SIL1: variants seen among roughly 807,000 people sequenced by gnomAD.
SIL1 encodes nucleotide exchange factor SIL1.
SIL1 carries 40 observed loss-of-function variants against 49.1 expected under a neutral mutation model. The ratio of observed to expected loss-of-function variants is 0.81; its 90% CI spans 0.63 to 1.06. SIL1 has a LOEUF of 1.06. Ranked by LOEUF, SIL1 falls within the 50% of genes least tolerant of loss-of-function variation. The pLI, the probability that SIL1 is intolerant of heterozygous loss-of-function variation, is 0.00. For missense variants in SIL1, 500 were observed against 572.6 expected, an observed-to-expected ratio of 0.87 and a Z score of 1.29; for synonymous variants, 253 against 250.8, an observed-to-expected ratio of 1.01 and a Z score of -0.08.
chr5:138,999,484 AC>A (rs1581017903), intron 7 of SIL1, among the ~76,000 whole-genome samples: 1 of 152,036 alleles, frequency 6.6e-6, no homozygotes, highest in African/African-American at 2.4e-5. Flanking sequence ...ACATAGTGAG[AC>A]CCTATCTGTG....
intron 7 of SIL1, among the ~76,000 whole-genome samples, chr5:138,971,974 G>A (rs1767289442): frequency 6.6e-6 from 1 of 152,122 alleles, no homozygotes; most frequent in Admixed American, 6.5e-5. Context: ...CCCTTCTCAA[G>A]CGTGTCCAAA....
chr5:138,993,496 G>A (rs1347285095), intron 7 of SIL1, among the ~76,000 whole-genome samples: 1 of 152,238 alleles, frequency 6.6e-6, no homozygotes, highest in Non-Finnish European at 1.5e-5. Context: ...CCCATTGGGT[G>A]TGGGAATATG....
chr5:139,105,447 C>A (rs1305245694), intron 3 of SIL1, among the ~76,000 whole-genome samples: 1 of 152,030 alleles, frequency 6.6e-6, no homozygotes, highest in African/African-American at 2.4e-5. Flanking sequence ...TCCCTCACTG[C>A]AATTGCAGAA....
At chr5:139,166,891 C>T (rs944067232) in intron 1 of SIL1, among the ~76,000 whole-genome samples, 2 of 152,200 alleles carry the variant, frequency 1.3e-5, no homozygotes, top group East Asian at 3.9e-4. Context: ...TCACTGCAAG[C>T]TCTGCCTCCC....
At chr5:139,109,998 G>A (rs528372087) in intron 3 of SIL1, among the ~76,000 whole-genome samples, 11 of 151,854 alleles carry the variant, frequency 7.2e-5, no homozygotes, top group South Asian at 2.1e-4. Context: ...GTGAAACCCC[G>A]TCTCTACTAA....
intron 1 of SIL1, among the ~76,000 whole-genome samples, chr5:139,142,734 G>A (rs925159714): frequency 3.9e-5 from 6 of 151,926 alleles, no homozygotes; most frequent in African/African-American, 1.5e-4. Flanking sequence ...CCAAGAACAC[G>A]ACAAAGATAC....
At chr5:139,102,034 T>A (rs985086463) in intron 3 of SIL1, among the ~76,000 whole-genome samples, 1 of 152,192 alleles carries the variant, frequency 6.6e-6, no homozygotes, top group Non-Finnish European at 1.5e-5. Context: ...GACACGCACT[T>A]GGGTGTGAAT....
intron 5 of SIL1, among the ~76,000 whole-genome samples, chr5:139,031,469 CTA>C (rs1225652185): frequency 6.6e-6 from 1 of 152,142 alleles, no homozygotes. Context: ...TTCCATTGAT[CTA>C]TGATTCTTTC....
At chr5:138,982,231 A>G (rs992135797) in intron 7 of SIL1, among the ~76,000 whole-genome samples, 4 of 152,176 alleles carry the variant, frequency 2.6e-5, no homozygotes, top group Non-Finnish European at 4.4e-5. Flanking sequence ...ACTTTTGTCA[A>G]ATGAGCTGGC....
intron 3 of SIL1, among the ~76,000 whole-genome samples, chr5:139,052,160 T>C (rs1222937212): frequency 1.3e-5 from 2 of 152,188 alleles, no homozygotes; most frequent in African/African-American, 4.8e-5. Context: ...GATAATGATA[T>C]AGGCAAGTAT....
At chr5:139,167,529 GAAT>G (rs1423167344) in intron 1 of SIL1, among the ~76,000 whole-genome samples, 2 of 152,170 alleles carry the variant, frequency 1.3e-5, no homozygotes, top group African/African-American at 4.8e-5. Flanking sequence ...AATGCTTACA[GAAT>G]AATGTATAAA....
chr5:138,994,385 G>C (rs1436005595), intron 7 of SIL1, among the ~76,000 whole-genome samples: 1 of 152,014 alleles, frequency 6.6e-6, no homozygotes, highest in East Asian at 1.9e-4. Context: ...ATACTATGAG[G>C]TAATTAGGCA....
In SIL1 at chr5:138,989,093, T is replaced by C. The variant is rs143766860; in HGVS notation, c.767+32078A>G. 1.0e-3 allele frequency among the ~76,000 whole-genome samples: 153 copies of C among 152,312 alleles called. 1 individual carries two copies. The Middle Eastern group carries it at 0.01, about 10-fold the overall frequency. On this transcript the variant is annotated intron_variant, in intron 7 of 9. Coordinates refer to ENST00000394817, the MANE Select transcript of SIL1 (RefSeq NM_022464.5). ...GGAAGGACACAGTGGAGGATACTTT[T>C]CATATCCTCTGGTGCCGTTTGAATT... is the stretch of plus-strand genomic sequence containing the variant.
At chr5:139,013,932 A>T (rs948535522) in intron 7 of SIL1, 1 of 152,146 alleles carries the variant, frequency 6.6e-6, no homozygotes, top group Admixed American at 6.5e-5. Context: ...TGGTGACTTC[A>T]ATTTTTGTGT....
intron 1 of SIL1, among the ~76,000 whole-genome samples, chr5:139,161,745 G>A (rs917319685): frequency 3.3e-5 from 5 of 152,104 alleles, no homozygotes; most frequent in South Asian, 4.1e-4. Flanking sequence ...GGCCAGGTGC[G>A]GTGGCTCATG....
rs558729723 is a variant in SIL1 at position 138,988,218 on chromosome 5, C to T, written c.767+32953G>A. 6.6e-5 allele frequency among the ~76,000 whole-genome samples: 10 copies of T among 152,302 alleles called. No individual in the cohort carries two copies. In the East Asian group the frequency reaches 1.2e-3, roughly 18 times the overall value. On this transcript the variant is annotated intron_variant, in intron 7 of 9. Coordinates refer to ENST00000394817, the MANE Select transcript of SIL1 (RefSeq NM_022464.5). ...TCCAAAGCTCCTGGTGGCCATTGTA[C>T]GCCTAGCACAGACCCGTACACCTGG...
chr5:139,039,088 G>A (rs1768982158), intron 5 of SIL1, among the ~76,000 whole-genome samples: 1 of 152,144 alleles, frequency 6.6e-6, no homozygotes, highest in African/African-American at 2.4e-5. Context: ...CACCAGCAGG[G>A]GAAGCAGAGA....
chr5:139,164,782 ACT>A (rs774812316), intron 1 of SIL1, among the ~76,000 whole-genome samples: 1 of 152,086 alleles, frequency 6.6e-6, no homozygotes, highest in Non-Finnish European at 1.5e-5. Flanking sequence ...TGAGGACTAA[ACT>A]CTGATTTTAT....
At chr5:139,132,298 T>G (rs559401100) in intron 1 of SIL1, among the ~76,000 whole-genome samples, 7 of 150,666 alleles carry the variant, frequency 4.6e-5, no homozygotes, top group Non-Finnish European at 8.9e-5. Context: ...GGAAGAGGAG[T>G]GGAGGGTGAG....
Sources: allele counts gnomAD v4.1 joint callset (sites outside exome capture counted in the v4.1 genomes callset), GRCh38; gene constraint gnomAD v4.1.1; transcripts MANE v1.5; gene names NCBI Gene and HGNC (gene_info 2026-07-23, HGNC 2026-07-21).